The following CBL variants were observed in gnomAD, a reference collection of about 807,000 sequenced individuals.
CBL encodes Cbl proto-oncogene.
In CBL, 45 loss-of-function variants were observed where a neutral mutation model predicts 96.9. That is an observed-to-expected ratio of 0.46 (90% CI 0.37 to 0.60). The LOEUF (loss-of-function observed/expected upper bound fraction) is 0.60, where lower values mean the gene tolerates loss of function less well. Ranked by LOEUF, CBL falls within the 20% of genes least tolerant of loss-of-function variation. The pLI is 0.00. For synonymous variants in CBL, 420 were observed against 426.8 expected, an observed-to-expected ratio of 0.98 and a Z score of 0.20; for missense variants, 1,024 against 1,143.5, an observed-to-expected ratio of 0.90 and a Z score of 1.51.
In CBL at chr11:119,206,373, G is replaced by GCTCGC; in HGVS notation, c.-45_-44insCTCGC. 7.0e-7 allele frequency: 1 copy of GCTCGC among 1,423,290 alleles called. No individual in the cohort carries two copies. Among genetic ancestry groups the GCTCGC allele is most frequent in the Non-Finnish European group, 9.3e-7 (1 of 1,078,314 alleles). 88.2% of individuals were successfully genotyped at this position (1,423,290 alleles called of 1,614,324 possible). ...CTGCTTCTCTCCCTCGCTCGCAGTC[G>GCTCGC]AGCCGAGCCGGCGGACCCGCCTGGG... On this transcript the variant is annotated 5_prime_UTR_variant, in exon 1 of 16. Coordinates refer to ENST00000264033, the MANE Select transcript of CBL (RefSeq NM_005188.4).
intron 12 of CBL, among the ~76,000 whole-genome samples, chr11:119,296,066 A>G (rs975546246): frequency 1.3e-5 from 2 of 152,194 alleles, no homozygotes; most frequent in East Asian, 1.9e-4. Context: ...GGGGACTTCT[A>G]TGTTCTGTGT....
At chr11:119,268,713 C>T (rs757821759) in intron 2 of CBL, among the ~76,000 whole-genome samples, 4 of 152,042 alleles carry the variant, frequency 2.6e-5, no homozygotes, top group Non-Finnish European at 4.4e-5. Flanking sequence ...CCGCTTAAGA[C>T]GATGGGGGAG....
At chr11:119,206,904 G>A (rs1318041379) in intron 1 of CBL, among the ~76,000 whole-genome samples, 3 of 152,124 alleles carry the variant, frequency 2.0e-5, no homozygotes, top group Non-Finnish European at 4.4e-5. Context: ...TGGGAAGTCA[G>A]TGGGGCGGAA....
chr11:119,226,858 T>C (rs11217194), intron 1 of CBL, among the ~76,000 whole-genome samples: 42,223 of 152,136 alleles, frequency 0.28, 6,323 homozygotes, highest in South Asian at 0.59. Context: ...TAAAAACTTA[T>C]AGCTTAGGCT....
At chr11:119,285,904 A>G (rs1348308194) in intron 11 of CBL, among the ~76,000 whole-genome samples, 2 of 152,094 alleles carry the variant, frequency 1.3e-5, no homozygotes, top group Non-Finnish European at 2.9e-5. Context: ...TTGAAAAAAA[A>G]GAAGAAAGAA....
intron 12 of CBL, 23 bp from the exon 13 acceptor site, chr11:119,296,895 A>C (rs201577348): frequency 6.7e-6 from 8 of 1,201,728 alleles, no homozygotes; most frequent in Middle Eastern, 1.9e-4. Flanking sequence ...TTCTTTTTCT[A>C]TTTTTTATTC....
chr11:119,259,938 AAACTC>A (rs1455531364), intron 2 of CBL, among the ~76,000 whole-genome samples: 3 of 152,160 alleles, frequency 2.0e-5, no homozygotes, highest in Non-Finnish European at 4.4e-5. Context: ...TCAAAGGGGG[AAACTC>A]AGTTTCAGCT....
chr11:119,267,532 A>G (rs1194054726), intron 2 of CBL, among the ~76,000 whole-genome samples: 1 of 152,194 alleles, frequency 6.6e-6, no homozygotes, highest in Non-Finnish European at 1.5e-5. Flanking sequence ...CTTCAGACTC[A>G]GCTTAAAAAG....
chr11:119,235,532 GT>G (rs1261810463), intron 2 of CBL, among the ~76,000 whole-genome samples: 1 of 152,154 alleles, frequency 6.6e-6, no homozygotes, highest in East Asian at 1.9e-4. Context: ...AGGAGGAGGA[GT>G]AGGAAGAGGA....
Position 119,299,602 on chromosome 11 carries a change from G to T in CBL, c.2542G>T (p.Ala848Ser), listed in dbSNP as rs141710973. The change falls in exon 16 of 16, where the codon GCC (alanine) becomes TCC (serine). Residue 848 changes from alanine to serine, a missense_variant. Physicochemically the swap from Ala to Ser is moderately conservative, Grantham distance 99. This residue lies in a region of CBL where 695 missense variants were observed against 661.6 expected (regional missense o/e 1.05). Coordinates refer to ENST00000264033, the MANE Select transcript of CBL (RefSeq NM_005188.4). ...GSCQQGSGPA[A>S]SAATASPQLS... ...CTGTCAGCAAGGTAGTGGTCCTGCC[G>T]CCTCTGCTGCCACCGCCTCACCTCA... The T allele has an allele frequency of 1.9e-6, 3 of 1,614,014 alleles. No individual in the cohort carries two copies. The African/African-American group carries it at 4.0e-5, about 22-fold the overall frequency.
intron 1 of CBL, among the ~76,000 whole-genome samples, chr11:119,215,468 C>T (rs1263645786): frequency 1.3e-5 from 2 of 148,194 alleles, no homozygotes; most frequent in Non-Finnish European, 3.0e-5. Context: ...TGCTGTGTTG[C>T]CCAGGCTGAC....
intron 2 of CBL, among the ~76,000 whole-genome samples, chr11:119,249,470 G>A (rs1367500409): frequency 2.7e-5 from 4 of 150,202 alleles, no homozygotes; most frequent in African/African-American, 7.4e-5. Context: ...CAGGAGAACC[G>A]CTTGAACCCA....
At position 119,300,720 on chromosome 11, in the gene CBL, A is replaced by G; in HGVS notation, c.*939A>G. On this transcript the variant is annotated 3_prime_UTR_variant, in exon 16 of 16. Transcript: ENST00000264033. ...ACATTCCATGCCCTCCCCAGAAAAT[A>G]GTCTGTGGGAGTCAGTTGCCTTGGT... 2.5e-6 allele frequency: 1 copy of G among 396,664 alleles called. No individual in the cohort carries two copies. Among genetic ancestry groups the G allele is most frequent in the Non-Finnish European group, 4.4e-6 (1 of 225,122 alleles). The allele number at this position is 396,664 out of a possible 1,614,324, so 24.6% of individuals were successfully genotyped here.
chr11:119,253,644 C>A (rs1949688693), intron 2 of CBL, among the ~76,000 whole-genome samples: 1 of 147,602 alleles, frequency 6.8e-6, no homozygotes, highest in Admixed American at 6.9e-5. Context: ...CCAGCCTGGG[C>A]AACAGGAGTT....
Position 119,215,784 on chromosome 11 carries a change from G to C in CBL, c.195+9172G>C, listed in dbSNP as rs192956896. Among the ~76,000 whole-genome samples the C allele has an allele frequency of 1.7e-3, 264 of 152,008 alleles. 1 individual carries two copies. Among genetic ancestry groups the C allele is most frequent in the African/African-American group, 6.1e-3 (251 of 41,438 alleles). ...AGAGGCTACAGTGAGCTGAGTTTGTGTCACTGCACTCCAGCCTGAGCGACA... is the reference window on the plus strand; with the variant it reads ...AGAGGCTACAGTGAGCTGAGTTTGTCTCACTGCACTCCAGCCTGAGCGACA... On this transcript the variant is annotated intron_variant, in intron 1 of 15. Transcript: ENST00000264033.
At chr11:119,278,835 A>G in intron 9 of CBL, 122 bp downstream of exon 9, 1 of 782,854 alleles carries the variant, frequency 1.3e-6, no homozygotes, top group South Asian at 1.5e-5. Context: ...TTTATTGAGC[A>G]TTTACTATAT....
chr11:119,223,511 A>G (rs1949428154), intron 1 of CBL, among the ~76,000 whole-genome samples: 1 of 149,482 alleles, frequency 6.7e-6, no homozygotes, highest in South Asian at 2.1e-4. Flanking sequence ...CTCACTGCAA[A>G]CTCCATCTCC....
At chr11:119,215,789 T>C (rs1180085100) in intron 1 of CBL, among the ~76,000 whole-genome samples, 1 of 151,810 alleles carries the variant, frequency 6.6e-6, no homozygotes, top group Non-Finnish European at 1.5e-5. Context: ...TTTGTGTCAC[T>C]GCACTCCAGC....
intron 4 of CBL, 118 bp from the exon 5 acceptor site, chr11:119,274,714 T>C: frequency 2.2e-6 from 2 of 914,910 alleles, no homozygotes; most frequent in Non-Finnish European, 1.8e-6. Flanking sequence ...AGTGATGGTA[T>C]AATTAAAAAT....
Sources: allele counts gnomAD v4.1 joint callset (sites outside exome capture counted in the v4.1 genomes callset), GRCh38; gene constraint gnomAD v4.1.1; regional missense constraint gnomAD v4.1.1; transcripts MANE v1.5; gene names NCBI Gene and HGNC (gene_info 2026-07-23, HGNC 2026-07-21).